ACACA: variants seen among roughly 807,000 people sequenced by gnomAD.
The protein encoded by ACACA is acetyl-CoA carboxylase alpha, also known as acetyl-CoA carboxylase 1.
Under a neutral mutation model 296.1 loss-of-function variants are expected in ACACA, and 103 were observed. That is an observed-to-expected ratio of 0.35 (90% CI 0.30 to 0.41). The LOEUF is 0.41. ACACA is among the 10% of genes least tolerant of loss of function. The pLI is 1.00. For missense variants in ACACA, 1,554 were observed against 2,989.7 expected (o/e 0.52, Z 11.20); for synonymous variants, 953 against 1,038.6 (o/e 0.92, Z 1.58).
At chr17:37,406,148 T>G in intron 1 of ACACA, 114 bp downstream of exon 1, 45 of 1,224,044 alleles carry the variant, frequency 3.7e-5, no homozygotes, top group Non-Finnish European at 5.1e-5. Flanking sequence ...AAGTTTTAAA[T>G]GAGACCGTAT....
intron 11 of ACACA, 130 bp from the exon 12 acceptor site, chr17:37,259,660 C>G: frequency 1.1e-6 from 1 of 930,538 alleles, no homozygotes; most frequent in East Asian, 2.5e-5. Flanking sequence ...CATGAGAGCA[C>G]ATTTCTGATT....
chr17:37,226,569 A>C (rs1598243389), intron 25 of ACACA, 117 bp from the exon 26 acceptor site: 1 of 911,844 alleles, frequency 1.1e-6, no homozygotes, highest in East Asian at 2.5e-5. Flanking sequence ...TTAATAAGAA[A>C]ATGCAAACTT....
chr17:37,155,807 C>T, intron 42 of ACACA, 27 bp from the exon 43 acceptor site: 1 of 1,391,632 alleles, frequency 7.2e-7, no homozygotes, highest in Non-Finnish European at 1.0e-6. Flanking sequence ...GTTTTTAACT[C>T]ATTATTTGCC....
At chr17:37,190,674 G>A (rs2077717127) in intron 38 of ACACA, among the ~76,000 whole-genome samples, 2 of 152,182 alleles carry the variant, frequency 1.3e-5, no homozygotes, top group South Asian at 4.1e-4. Context: ...GACACTTTGA[G>A]AAGGTGCATT....
intron 1 of ACACA, among the ~76,000 whole-genome samples, chr17:37,360,910 A>T: frequency 6.6e-6 from 1 of 152,278 alleles, no homozygotes. Flanking sequence ...TTGCCTTTCC[A>T]TAACAGCAGT....
At chr17:37,365,775 C>G in intron 1 of ACACA, 1 of 977,288 alleles carries the variant, frequency 1.0e-6, no homozygotes, top group Middle Eastern at 5.3e-4. Context: ...TAGAATTGCA[C>G]AATGAAGGAC....
chr17:37,155,574 T>C (rs1349959245), intron 43 of ACACA, 109 bp downstream of exon 43: 5 of 797,444 alleles, frequency 6.3e-6, no homozygotes, highest in Non-Finnish European at 8.8e-6. Context: ...CTAGATTATG[T>C]CATCTTCAAT....
chr17:37,357,763 A>G (rs2049209381), intron 1 of ACACA, among the ~76,000 whole-genome samples: 1 of 152,170 alleles, frequency 6.6e-6, no homozygotes, highest in East Asian at 1.9e-4. Flanking sequence ...TTAGGCCACA[A>G]TGCTTTTCTG....
chr17:37,141,132 C>T (rs1209681039), intron 45 of ACACA: 8 of 479,978 alleles, frequency 1.7e-5, no homozygotes, highest in African/African-American at 7.8e-5. Flanking sequence ...GGCAAGCACG[C>T]GTCTGCTTCT....
chr17:37,389,175 C>G (rs1314298501), intron 1 of ACACA: 2 of 1,513,244 alleles, frequency 1.3e-6, no homozygotes, highest in East Asian at 4.9e-5. Flanking sequence ...AGTTGCCCAA[C>G]AAGAGGTTTG....
chr17:37,347,728 C>T (rs139831268), intron 1 of ACACA, among the ~76,000 whole-genome samples: 22 of 133,810 alleles, frequency 1.6e-4, no homozygotes, highest in African/African-American at 2.7e-4. Flanking sequence ...CAAAGCATAA[C>T]GCCATCCCTA....
At chr17:37,180,133 C>T (rs2077264201) in intron 40 of ACACA, among the ~76,000 whole-genome samples, 1 of 152,154 alleles carries the variant, frequency 6.6e-6, no homozygotes, top group South Asian at 2.1e-4. Context: ...GTCCTAATCA[C>T]TGTGTTTATG....
At chr17:37,200,603 CT>C in intron 33 of ACACA, 120 bp from the exon 34 acceptor site, 1 of 896,992 alleles carries the variant, frequency 1.1e-6, no homozygotes, top group Non-Finnish European at 1.8e-6. Context: ...ATATCCTTAT[CT>C]TAGCTTAGTA....
intron 25 of ACACA, among the ~76,000 whole-genome samples, chr17:37,228,815 T>C (rs1316962036): frequency 6.6e-6 from 1 of 151,632 alleles, no homozygotes; most frequent in Non-Finnish European, 1.5e-5. Flanking sequence ...CAGACTAAAG[T>C]CTCAACATTA....
At position 37,363,815 on chromosome 17, in the gene ACACA, G is replaced by T. The variant is rs566094112; in HGVS notation, c.39-23965C>A. Reference sequence around the variant, plus strand: ...AGCCTGGCCAACATAGTGAAACCCTGTCTCTAATAAAAATACAAAATTTGC... The same window carrying T: ...AGCCTGGCCAACATAGTGAAACCCTTTCTCTAATAAAAATACAAAATTTGC... On this transcript the variant is annotated intron_variant, in intron 1 of 55. Transcript: ENST00000616317. 6.2e-4 allele frequency among the ~76,000 whole-genome samples: 93 copies of T among 149,038 alleles called. 1 individual carries two copies. Among genetic ancestry groups the T allele is most frequent in the African/African-American group, 2.1e-3 (83 of 38,630 alleles).
rs554686461 is a variant in ACACA at position 37,118,410 on chromosome 17, A to G, written c.6274+2945T>C. Among the ~76,000 whole-genome samples, 48 of 152,368 alleles carry G rather than the reference A, an allele frequency of 3.2e-4. No homozygotes were observed. The South Asian group carries it at 3.5e-3, about 11-fold the overall frequency. ...TACACTTACAAATAATTAAAGTGAT[A>G]AATATTATGTATATTTTACCACAAT... is the stretch of plus-strand genomic sequence containing the variant. On this transcript the variant is annotated intron_variant, in intron 50 of 55. Transcript: ENST00000616317.
chr17:37,097,069 T>C lies in ACACA; in HGVS notation c.6818A>G (p.Asn2273Ser). 3.7e-6 allele frequency: 6 copies of C among 1,614,108 alleles called. No individual in the cohort carries two copies. The highest frequency in any genetic ancestry group is 4.2e-6 in the Non-Finnish European group (5 of 1,180,024). The change falls in exon 54 of 56, where the codon AAC (asparagine) becomes AGC (serine). Residue 2273 changes from asparagine (N) to serine (S), a missense_variant. Transcript: ENST00000616317. The surrounding 1 kb of genome is among the most constrained non-coding windows in gnomAD (Gnocchi z 4.8). ...DLVKKKIHNA[N>S]PELTDGQIQA... ...AATCTGGCCATCAGTCAGCTCAGGGTTGGCATTGTGGATTTTCTTCTTGAC... is the reference window on the plus strand; with the variant it reads ...AATCTGGCCATCAGTCAGCTCAGGGCTGGCATTGTGGATTTTCTTCTTGAC...
In ACACA at chr17:37,276,135, T is replaced by C. The variant is rs1050924258; in HGVS notation, c.803-86A>G. ...GTAGTTGCCTTGTATTATAGCTATT[T>C]ATGTATTTGTCTTGTCCTCCCCCCA... On this transcript the variant is annotated intron_variant, in intron 7 of 55. Coordinates refer to ENST00000616317, the MANE Select transcript of ACACA (RefSeq NM_198834.3). 7 of 980,108 alleles carry C rather than the reference T, an allele frequency of 7.1e-6. No homozygotes were observed. In the Admixed American group the frequency reaches 1.0e-4, roughly 15 times the overall value. The allele number at this position is 980,108 out of a possible 1,614,324, so 60.7% of individuals were successfully genotyped here.
chr17:37,390,175 T>TACACACAC (rs1158274937), intron 1 of ACACA, among the ~76,000 whole-genome samples: 494 of 44,430 alleles, frequency 0.011, 14 homozygotes, highest in Non-Finnish European at 0.015. Flanking sequence ...TATATATATA[T>TACACACAC]ACACACACAC....
Sources: gnomAD v4.1 joint callset for allele counts (sites outside exome capture counted in the v4.1 genomes callset) on GRCh38, gnomAD v4.1.1 for gene constraint, Gnocchi (gnomAD v3.1) non-coding constraint, MANE v1.5 for transcripts, NCBI Gene and HGNC (gene_info 2026-07-23, HGNC 2026-07-21) for gene names.